Variants in TTLL5 observed in about 807,000 individuals in gnomAD.
TTLL5 encodes tubulin tyrosine ligase like 5, also known as tubulin polyglutamylase TTLL5.
In TTLL5, 132 loss-of-function variants were observed where a neutral mutation model predicts 168.4. The ratio of observed to expected loss-of-function variants is 0.78; its 90% CI spans 0.68 to 0.91. The LOEUF is 0.91. TTLL5 is among the 40% of genes least tolerant of loss of function. The pLI is 0.00. For missense variants in TTLL5, 1,545 were observed against 1,581.5 expected, an observed-to-expected ratio of 0.98 and a Z score of 0.39; for synonymous variants, 546 against 558.6, an observed-to-expected ratio of 0.98 and a Z score of 0.32.
intron 29 of TTLL5, among the ~76,000 whole-genome samples, chr14:75,872,759 A>G (rs1322153053): frequency 6.6e-6 from 1 of 151,790 alleles, no homozygotes; most frequent in African/African-American, 2.4e-5. Context: ...AAAATACAAA[A>G]AATTAGCTGT....
chr14:75,800,071 T>C (rs1402235406), intron 27 of TTLL5, among the ~76,000 whole-genome samples: 3 of 152,226 alleles, frequency 2.0e-5, no homozygotes, highest in Non-Finnish European at 4.4e-5. Context: ...TTCCAAACTT[T>C]TAGATTTCTC....
At chr14:75,734,328 C>T (rs879051445) in intron 14 of TTLL5, among the ~76,000 whole-genome samples, 1 of 152,126 alleles carries the variant, frequency 6.6e-6, no homozygotes, top group Non-Finnish European at 1.5e-5. Flanking sequence ...TATTTTTCTC[C>T]AAGCTGGGAA....
chr14:75,690,927 A>T (rs1353783266), intron 6 of TTLL5, among the ~76,000 whole-genome samples: 1 of 152,138 alleles, frequency 6.6e-6, no homozygotes, highest in Non-Finnish European at 1.5e-5. Flanking sequence ...GCCTGTAAGG[A>T]TACTTTATAT....
intron 27 of TTLL5, among the ~76,000 whole-genome samples, chr14:75,805,071 T>G (rs547749155): frequency 5.9e-5 from 9 of 152,314 alleles, no homozygotes; most frequent in African/African-American, 2.2e-4. Context: ...CCTCCACCCC[T>G]ACACACTTGC....
At chr14:75,797,962 G>T (rs1458495088) in intron 27 of TTLL5, among the ~76,000 whole-genome samples, 1 of 151,972 alleles carries the variant, frequency 6.6e-6, no homozygotes, top group Admixed American at 6.6e-5. Context: ...TGGCTTTATA[G>T]AATTATTTAG....
intron 31 of TTLL5, among the ~76,000 whole-genome samples, chr14:75,919,737 A>T (rs1181509380): frequency 3.9e-5 from 6 of 152,218 alleles, no homozygotes; most frequent in Admixed American, 2.6e-4. Flanking sequence ...CTTAGCTGTG[A>T]TACCAAAAAG....
chr14:75,854,057 G>C (rs965572821), intron 28 of TTLL5, among the ~76,000 whole-genome samples: 3 of 152,000 alleles, frequency 2.0e-5, no homozygotes, highest in Non-Finnish European at 2.9e-5. Flanking sequence ...AAAAAAGAGA[G>C]AGAAAATATA....
chr14:75,891,006 G>T (rs555336271), intron 30 of TTLL5, among the ~76,000 whole-genome samples: 1 of 152,146 alleles, frequency 6.6e-6, no homozygotes, highest in East Asian at 1.9e-4. Context: ...GGCGTGAGCC[G>T]CTGCACCTGG....
At chr14:75,908,048 A>G (rs2033217056) in intron 31 of TTLL5, among the ~76,000 whole-genome samples, 1 of 152,226 alleles carries the variant, frequency 6.6e-6, no homozygotes, top group Admixed American at 6.5e-5. Context: ...TGGGACCATC[A>G]GCAAAAGAAG....
intron 27 of TTLL5, among the ~76,000 whole-genome samples, chr14:75,796,149 T>C (rs1221437363): frequency 1.3e-5 from 2 of 152,220 alleles, no homozygotes; most frequent in South Asian, 2.1e-4. Flanking sequence ...TAGTATTGCA[T>C]TGTGGTTTTG....
chr14:75,929,447 CTTT>C (rs370380415), intron 31 of TTLL5, among the ~76,000 whole-genome samples: 2 of 120,858 alleles, frequency 1.7e-5, no homozygotes. Flanking sequence ...ATAAAGATAC[CTTT>C]TTTTTTTTTT....
At chr14:75,731,214 G>A (rs1888510836) in intron 12 of TTLL5, among the ~76,000 whole-genome samples, 2 of 152,062 alleles carry the variant, frequency 1.3e-5, no homozygotes, top group African/African-American at 4.8e-5. Flanking sequence ...GTGGGTGTGA[G>A]CTCTGGTCTG....
intron 15 of TTLL5, among the ~76,000 whole-genome samples, chr14:75,742,879 G>A (rs549490619): frequency 6.6e-6 from 1 of 152,022 alleles, no homozygotes; most frequent in African/African-American, 2.4e-5. Flanking sequence ...ATAAACAATG[G>A]TTATATTATT....
chr14:75,792,458 C>T (rs926628888), intron 26 of TTLL5, among the ~76,000 whole-genome samples: 7 of 151,524 alleles, frequency 4.6e-5, no homozygotes, highest in African/African-American at 1.2e-4. Context: ...TGAGTATACT[C>T]GATTTTGTTT....
chr14:75,804,309 ACT>A (rs1406842397), intron 27 of TTLL5, among the ~76,000 whole-genome samples: 1 of 152,070 alleles, frequency 6.6e-6, no homozygotes, highest in African/African-American at 2.4e-5. Context: ...AAACTCTCTC[ACT>A]CTCTCTATAC....
chr14:75,776,456 G>A (rs994828634), intron 22 of TTLL5, among the ~76,000 whole-genome samples: 2 of 152,152 alleles, frequency 1.3e-5, no homozygotes, highest in African/African-American at 4.8e-5. Flanking sequence ...ATATTACTAA[G>A]CTACTATAAA....
intron 26 of TTLL5, among the ~76,000 whole-genome samples, chr14:75,785,457 G>A (rs1892313384): frequency 1.3e-5 from 2 of 152,150 alleles, no homozygotes; most frequent in South Asian, 2.1e-4. Context: ...GGGATTACAG[G>A]CGTGAGCCAC....
chr14:75,670,963 A>C (rs531586573), intron 3 of TTLL5, among the ~76,000 whole-genome samples: 7 of 152,232 alleles, frequency 4.6e-5, no homozygotes, highest in Non-Finnish European at 5.9e-5. Context: ...GTCATATCTA[A>C]GAAACCATTG....
chr14:75,735,008 C>T (rs1888792402), intron 14 of TTLL5, among the ~76,000 whole-genome samples, 187 bp from the exon 15 acceptor site: 1 of 152,224 alleles, frequency 6.6e-6, no homozygotes, highest in Admixed American at 6.5e-5. Context: ...CTTTTCTTCT[C>T]TCTAGTTATG....
Sources: gnomAD v4.1 joint callset for allele counts (sites outside exome capture counted in the v4.1 genomes callset) on GRCh38, gnomAD v4.1.1 for gene constraint, MANE v1.5 for transcripts, NCBI Gene and HGNC (gene_info 2026-07-23, HGNC 2026-07-21) for gene names.